UMAD1: variants seen among roughly 807,000 people sequenced by gnomAD.
The protein encoded by UMAD1 is UBAP1-MVB12-associated (UMA)-domain containing protein 1.
UMAD1 carries 8 observed loss-of-function variants against 6.1 expected under a neutral mutation model. The observed-to-expected ratio is 1.30, with a 90% CI of 0.76 to 2.35. UMAD1 has a LOEUF of 2.35. Ranked by LOEUF, UMAD1 falls within the 30% of genes most tolerant of loss-of-function variation. The pLI, the probability that UMAD1 is intolerant of heterozygous loss-of-function variation, is 0.00. For missense variants in UMAD1, 130 were observed against 78.4 expected (o/e 1.66, Z -2.49); for synonymous variants, 56 against 31.4 (o/e 1.78, Z -2.61).
chr7:7,831,257 A>G (rs1242917013), intron 3 of UMAD1, among the ~76,000 whole-genome samples: 4 of 152,210 alleles, frequency 2.6e-5, no homozygotes, highest in African/African-American at 9.6e-5. Context: ...TGTCGCCAGG[A>G]TATTCTAAGT....
At chr7:7,714,850 TTTC>T (rs1350528769) in intron 2 of UMAD1, among the ~76,000 whole-genome samples, 7 of 150,890 alleles carry the variant, frequency 4.6e-5, no homozygotes, top group Non-Finnish European at 8.9e-5. Context: ...TTCAAAAATT[TTTC>T]TTTTTTTTTT....
At chr7:7,746,060 C>G (rs944627485) in intron 2 of UMAD1, among the ~76,000 whole-genome samples, 6 of 152,196 alleles carry the variant, frequency 3.9e-5, no homozygotes, top group African/African-American at 1.4e-4. Context: ...TGAAGGTCTT[C>G]TTTTCCTCTC....
At chr7:7,801,319 T>A (rs1297291774) in intron 2 of UMAD1, among the ~76,000 whole-genome samples, 1 of 152,234 alleles carries the variant, frequency 6.6e-6, no homozygotes, top group African/African-American at 2.4e-5. Flanking sequence ...ATCCATATCA[T>A]AAAAGAGTTT....
chr7:7,697,485 T>A (rs1780349395), intron 2 of UMAD1, among the ~76,000 whole-genome samples: 1 of 152,250 alleles, frequency 6.6e-6, no homozygotes, highest in Non-Finnish European at 1.5e-5. Flanking sequence ...ATGGCTAATG[T>A]AAAATTCATT....
chr7:7,792,501 G>A (rs1333860778), intron 2 of UMAD1, among the ~76,000 whole-genome samples: 2 of 152,202 alleles, frequency 1.3e-5, no homozygotes, highest in Non-Finnish European at 2.9e-5. Flanking sequence ...AAACTGAATT[G>A]GTTAACTTAA....
chr7:7,689,263 T>G (rs1780115197), intron 2 of UMAD1: 1 of 152,170 alleles, frequency 6.6e-6, no homozygotes, highest in Non-Finnish European at 1.5e-5. Context: ...CTGCCACCTC[T>G]TCTCGTGGCA....
chr7:7,660,942 C>T (rs1394618373), intron 1 of UMAD1, among the ~76,000 whole-genome samples: 1 of 152,184 alleles, frequency 6.6e-6, no homozygotes. Context: ...GTACGCCAAT[C>T]AAATGTAGAT....
intron 3 of UMAD1, among the ~76,000 whole-genome samples, chr7:7,833,361 G>A (rs1283371499): frequency 6.6e-6 from 1 of 152,116 alleles, no homozygotes; most frequent in South Asian, 2.1e-4. Context: ...GGCATACTGT[G>A]GTGTTAGTAT....
chr7:7,655,814 G>C (rs954378466), intron 1 of UMAD1, among the ~76,000 whole-genome samples: 3 of 136,794 alleles, frequency 2.2e-5, no homozygotes, highest in Middle Eastern at 3.4e-3. Context: ...TATATATTTA[G>C]GACAGTCTCT....
At chr7:7,700,269 G>T (rs1780427471) in intron 2 of UMAD1, among the ~76,000 whole-genome samples, 2 of 152,094 alleles carry the variant, frequency 1.3e-5, no homozygotes, top group Non-Finnish European at 2.9e-5. Context: ...GCTTTCTGAG[G>T]ATTATTTTAT....
rs774001983 is a variant in UMAD1 at position 7,877,595 on chromosome 7, A to G, written c.*57A>G. The G allele has an allele frequency of 1.6e-5, 11 of 688,238 alleles. No homozygotes were observed. In the Admixed American group the frequency reaches 2.0e-4, roughly 13 times the overall value. The allele number at this position is 688,238 out of a possible 1,614,324, so 42.6% of individuals were successfully genotyped here. On this transcript the variant is annotated 3_prime_UTR_variant, in exon 4 of 4. Coordinates refer to ENST00000682710, the MANE Select transcript of UMAD1 (RefSeq NM_001302348.2). The stretch of plus-strand genomic sequence containing the variant: ...AAAATATGTTCGCCTATTTTATCTA[A>G]CCTGTTTGATGTTCTTTGCCGTTTC...
chr7:7,826,779 G>T (rs1783350006), intron 3 of UMAD1, among the ~76,000 whole-genome samples: 1 of 152,036 alleles, frequency 6.6e-6, no homozygotes, highest in South Asian at 2.1e-4. Flanking sequence ...GGAAGGCTCA[G>T]AAATGTTAGC....
chr7:7,789,526 AG>A (rs1185141031), intron 2 of UMAD1, among the ~76,000 whole-genome samples: 1 of 151,898 alleles, frequency 6.6e-6, no homozygotes, highest in East Asian at 1.9e-4. Context: ...TTGAGTATAT[AG>A]TTTATTTGTG....
intron 3 of UMAD1, among the ~76,000 whole-genome samples, chr7:7,845,469 G>T (rs562054579): frequency 6.6e-6 from 1 of 152,174 alleles, no homozygotes; most frequent in South Asian, 2.1e-4. Flanking sequence ...TAGTAGTAAA[G>T]CTTGAGACTA....
chr7:7,852,306 C>T (rs75721968), intron 3 of UMAD1, among the ~76,000 whole-genome samples: 1 of 152,136 alleles, frequency 6.6e-6, no homozygotes, highest in African/African-American at 2.4e-5. Context: ...GGATATCACT[C>T]TACCAGCAAG....
At chr7:7,831,447 G>A (rs1468983260) in intron 3 of UMAD1, among the ~76,000 whole-genome samples, 3 of 152,164 alleles carry the variant, frequency 2.0e-5, no homozygotes, top group Admixed American at 6.5e-5. Flanking sequence ...GTCTTTCTGG[G>A]TACCTTTCAA....
intron 2 of UMAD1, among the ~76,000 whole-genome samples, chr7:7,713,616 T>C (rs1013859351): frequency 2.0e-5 from 3 of 151,268 alleles, no homozygotes; most frequent in African/African-American, 7.2e-5. Context: ...TATTTCCTTT[T>C]TCATTTTCTT....
In UMAD1 at chr7:7,721,376, T is replaced by C. The variant is rs1028640237; in HGVS notation, c.82+47923T>C. 6.0e-4 allele frequency among the ~76,000 whole-genome samples: 91 copies of C among 152,142 alleles called. 1 individual carries two copies. The highest frequency in any genetic ancestry group is 2.1e-3 in the African/African-American group (89 of 41,438). On this transcript the variant is annotated intron_variant, in intron 2 of 3. Coordinates refer to ENST00000682710, the MANE Select transcript of UMAD1 (RefSeq NM_001302348.2). ...AGGTTCATGAGCTCTGGACCTGTCA[T>C]TGTGGTCAAATTTGAATTCTACTTT...
rs1453521427 is a variant in UMAD1, at chr7:7,680,581, CTT to C, written c.82+7130_82+7131del. ...TTTTTTCCATTTCTGTGAAGAATGT[CTT>C]TGGTATTTTGATAGTGATTGCATTG... On this transcript the variant is annotated intron_variant, in intron 2 of 3. Transcript: ENST00000682710. 2.0e-5 allele frequency among the ~76,000 whole-genome samples: 3 copies of C among 151,946 alleles called. No individual in the cohort carries two copies. The East Asian group carries it at 5.8e-4, about 29-fold the overall frequency.
Sources: allele counts gnomAD v4.1 joint callset (sites outside exome capture counted in the v4.1 genomes callset), GRCh38; gene constraint gnomAD v4.1.1; transcripts MANE v1.5; gene names NCBI Gene and HGNC (gene_info 2026-07-23, HGNC 2026-07-21).